The following TAB2 variants were observed in gnomAD, a reference collection of about 807,000 sequenced individuals.
TAB2 encodes TGF-beta activated kinase 1 (MAP3K7) binding protein 2, also known as TGF-beta-activated kinase 1 and MAP3K7-binding protein 2.
Under a neutral mutation model 65.0 loss-of-function variants are expected in TAB2, and 3 were observed. That is an observed-to-expected ratio of 0.05 (90% CI 0.02 to 0.12). The LOEUF (loss-of-function observed/expected upper bound fraction) is 0.12, where lower values mean the gene tolerates loss of function less well. TAB2 is among the 10% of genes least tolerant of loss of function. TAB2 has a pLI of 1.00. For synonymous variants in TAB2, 298 were observed against 285.1 expected (o/e 1.05, Z -0.46); for missense variants, 623 against 840.3 (o/e 0.74, Z 3.20).
intron 3 of TAB2, among the ~76,000 whole-genome samples, chr6:149,390,219 T>C (rs998545463): frequency 6.6e-5 from 10 of 152,238 alleles, no homozygotes; most frequent in Admixed American, 5.2e-4. Context: ...GCTGACATTG[T>C]ACTTTCCTAG....
At chr6:149,258,470 A>G (rs959609963) in intron 1 of TAB2, among the ~76,000 whole-genome samples, 1 of 151,390 alleles carries the variant, frequency 6.6e-6, no homozygotes, top group African/African-American at 2.4e-5. Flanking sequence ...ACATAAATAC[A>G]CTTTTACTTT....
intron 1 of TAB2, among the ~76,000 whole-genome samples, chr6:149,299,393 G>A (rs1778932537): frequency 6.6e-6 from 1 of 152,122 alleles, no homozygotes; most frequent in African/African-American, 2.4e-5. Flanking sequence ...CCAACATGGT[G>A]AAACTCAGTC....
In TAB2 at chr6:149,378,466, A is replaced by G. The variant is rs1781482166; in HGVS notation, c.551A>G (p.Asn184Ser). 1.2e-6 allele frequency: 2 copies of G among 1,614,066 alleles called. No homozygotes were observed. Among genetic ancestry groups the G allele is most frequent in the Admixed American group, 3.3e-5 (2 of 60,002 alleles). ...FNPIMVTLAPNIQTGRNTPTS... is the reference protein window; with the variant it reads ...FNPIMVTLAPSIQTGRNTPTS... ...CCCATTATGGTAACTTTAGCCCCAA[A>G]TATCCAGACTGGTCGTAATACTCCT... Residue 184 changes from asparagine to serine, a missense_variant, in exon 3 of 7, where the codon AAT becomes AGT. Asn to Ser is a conservative substitution (Grantham distance 46). This residue lies in a region of TAB2 where 550 missense variants were observed against 665.7 expected (regional missense o/e 0.83). Coordinates refer to ENST00000637181, the MANE Select transcript of TAB2 (RefSeq NM_001292034.3).
intron 6 of TAB2, among the ~76,000 whole-genome samples, chr6:149,406,069 C>T (rs904634218): frequency 2.6e-5 from 4 of 152,164 alleles, no homozygotes; most frequent in African/African-American, 9.7e-5. Context: ...ACAAAGACAG[C>T]AAAACAAGTT....
intron 1 of TAB2, among the ~76,000 whole-genome samples, chr6:149,347,007 T>G (rs1463064997): frequency 6.6e-6 from 1 of 152,194 alleles, no homozygotes; most frequent in Non-Finnish European, 1.5e-5. Flanking sequence ...ATGCACAGGA[T>G]AGATTATCCA....
At chr6:149,389,028 T>C (rs1781895486) in intron 3 of TAB2, among the ~76,000 whole-genome samples, 1 of 149,728 alleles carries the variant, frequency 6.7e-6, no homozygotes, top group Admixed American at 6.7e-5. Flanking sequence ...CAGTCTCGGC[T>C]CACTGCAACC....
intron 1 of TAB2, among the ~76,000 whole-genome samples, chr6:149,265,551 T>G (rs1040223807): frequency 3.3e-5 from 5 of 152,138 alleles, no homozygotes. Flanking sequence ...TAAGCTTCCT[T>G]GGCCCCCACC....
chr6:149,265,167 T>C (rs1027696134), intron 1 of TAB2, among the ~76,000 whole-genome samples: 2 of 150,474 alleles, frequency 1.3e-5, no homozygotes, highest in African/African-American at 4.9e-5. Context: ...AAAAAATGCG[T>C]TTTAAATGAC....
intron 1 of TAB2, among the ~76,000 whole-genome samples, chr6:149,271,890 G>C (rs996634599): frequency 2.0e-5 from 3 of 151,964 alleles, no homozygotes; most frequent in Non-Finnish European, 4.4e-5. Flanking sequence ...CTCACTTCAA[G>C]CTGAAGACAG....
chr6:149,231,011 C>G (rs1777393311), intron 1 of TAB2, among the ~76,000 whole-genome samples: 1 of 152,200 alleles, frequency 6.6e-6, no homozygotes, highest in South Asian at 2.1e-4. Flanking sequence ...ACTTACTGAG[C>G]TGGTCAGCCC....
intron 1 of TAB2, among the ~76,000 whole-genome samples, chr6:149,255,700 C>A (rs1015763991): frequency 6.6e-6 from 1 of 152,126 alleles, no homozygotes; most frequent in South Asian, 2.1e-4. Context: ...TATGTGATTT[C>A]TTTCTTCTTT....
At chr6:149,222,783 G>A (rs1189740188) in intron 1 of TAB2, among the ~76,000 whole-genome samples, 1 of 152,002 alleles carries the variant, frequency 6.6e-6, no homozygotes, top group Non-Finnish European at 1.5e-5. Flanking sequence ...GCTGATGCCT[G>A]GCCATAGGCA....
intron 1 of TAB2, among the ~76,000 whole-genome samples, chr6:149,289,503 T>A (rs17085250): frequency 0.12 from 18,144 of 152,152 alleles, 1,178 homozygotes; most frequent in Middle Eastern, 0.17. Context: ...TAGAGGCCTC[T>A]AAAAGCTCAA....
intron 1 of TAB2, among the ~76,000 whole-genome samples, chr6:149,251,173 CTG>C (rs1777853119): frequency 6.6e-6 from 1 of 152,202 alleles, no homozygotes; most frequent in Non-Finnish European, 1.5e-5. Context: ...GTAGAGATGA[CTG>C]TAAACGTGGA....
intron 1 of TAB2, among the ~76,000 whole-genome samples, chr6:149,229,182 G>A (rs181918341): frequency 6.6e-6 from 1 of 152,176 alleles, no homozygotes; most frequent in Admixed American, 6.5e-5. Flanking sequence ...TAAGGATAGG[G>A]CAGGGAGCAG....
intron 1 of TAB2, among the ~76,000 whole-genome samples, chr6:149,266,939 C>T (rs1232652672): frequency 1.3e-5 from 2 of 152,146 alleles, no homozygotes; most frequent in Admixed American, 6.5e-5. Flanking sequence ...AATGTAACAA[C>T]AGCAGAAAGT....
chr6:149,339,136 C>T (rs959632652), intron 1 of TAB2, among the ~76,000 whole-genome samples: 16 of 152,104 alleles, frequency 1.1e-4, no homozygotes, highest in Non-Finnish European at 2.1e-4. Context: ...GAGGCCGAGA[C>T]GGGCGGATCA....
chr6:149,316,050 T>C (rs927683157), upstream of TAB2, among the ~76,000 whole-genome samples: 1 of 152,232 alleles, frequency 6.6e-6, no homozygotes, highest in Non-Finnish European at 1.5e-5. Flanking sequence ...ATTCAGTTTA[T>C]CTAAAATTAT....
intron 1 of TAB2, among the ~76,000 whole-genome samples, chr6:149,268,057 C>A (rs1778295815): frequency 6.6e-6 from 1 of 152,138 alleles, no homozygotes; most frequent in Non-Finnish European, 1.5e-5. Flanking sequence ...ACCTCTTAGC[C>A]AATGTACTAG....
Sources: allele counts gnomAD v4.1 joint callset (sites outside exome capture counted in the v4.1 genomes callset), GRCh38; gene constraint gnomAD v4.1.1; regional missense constraint gnomAD v4.1.1; transcripts MANE v1.5; gene names NCBI Gene and HGNC (gene_info 2026-07-23, HGNC 2026-07-21).